The following NXN variants were observed in gnomAD, a reference collection of about 807,000 sequenced individuals.
The protein encoded by NXN is nucleoredoxin.
NXN carries 16 observed loss-of-function variants against 48.6 expected under a neutral mutation model. The ratio of observed to expected loss-of-function variants is 0.33; its 90% CI spans 0.22 to 0.50. The LOEUF (loss-of-function observed/expected upper bound fraction) is 0.50. NXN is among the 20% of genes least tolerant of loss of function. The pLI, the probability that NXN is intolerant of heterozygous loss-of-function variation, is 0.98. For missense variants in NXN, 492 were observed against 605.5 expected (o/e 0.81, Z 1.97); for synonymous variants, 281 against 269.6 (o/e 1.04, Z -0.41).
At chr17:934,305 G>C (rs1335289191) in intron 1 of NXN, among the ~76,000 whole-genome samples, 1 of 151,970 alleles carries the variant, frequency 6.6e-6, no homozygotes, top group Non-Finnish European at 1.5e-5. Flanking sequence ...AATTAGCCGG[G>C]CGTGGTGGCG....
intron 1 of NXN, among the ~76,000 whole-genome samples, chr17:901,693 T>G (rs1476571281): frequency 6.6e-6 from 1 of 152,130 alleles, no homozygotes; most frequent in East Asian, 1.9e-4. Flanking sequence ...TTGCTGTTTG[T>G]TTTTTTGTTT....
chr17:812,824 G>A (rs1248953714), intron 5 of NXN, among the ~76,000 whole-genome samples: 2 of 151,040 alleles, frequency 1.3e-5, no homozygotes, highest in East Asian at 3.9e-4. Context: ...GTGTGTGCGA[G>A]TGTGCATGTG....
chr17:864,148 G>A (rs2644710), intron 1 of NXN: 71,625 of 874,552 alleles, frequency 0.082, 1,239 homozygotes, highest in African/African-American at 0.23. Context: ...CACGTTCACC[G>A]TTGCTCGGTT....
chr17:842,883 A>T (rs1046194965), intron 1 of NXN, among the ~76,000 whole-genome samples: 2 of 151,838 alleles, frequency 1.3e-5, no homozygotes, highest in African/African-American at 4.8e-5. Context: ...AGGTTGCGGT[A>T]AGCCGAGATC....
Position 819,268 on chromosome 17 carries a change from A to T in NXN, c.820+171T>A, listed in dbSNP as rs145457546. 8.5e-4 allele frequency: 557 copies of T among 657,756 alleles called. No homozygotes were observed. The African/African-American group carries it at 8.9e-3, about 11-fold the overall frequency. 40.7% of individuals were successfully genotyped at this position (657,756 alleles called of 1,614,324 possible). ...GCCTGACAATACTTATTTTTTAAAA[A>T]TGGCTTAGAATTCACACCATGAAAA... On this transcript the variant is annotated intron_variant, in intron 5 of 7. Transcript: ENST00000336868.
chr17:977,390 G>A (rs2069473805), intron 1 of NXN, among the ~76,000 whole-genome samples: 1 of 152,228 alleles, frequency 6.6e-6, no homozygotes. Flanking sequence ...CATCATGGAG[G>A]AATCAGCAGG....
At chr17:853,723 A>ATATTTTTT (rs1491528474) in intron 1 of NXN, among the ~76,000 whole-genome samples, 21 of 106,000 alleles carry the variant, frequency 2.0e-4, no homozygotes, top group African/African-American at 8.6e-4. Context: ...ATATATATAT[A>ATATTTTTT]TTTTTTTTTT....
At chr17:834,153 C>G (rs956249885) in intron 1 of NXN, among the ~76,000 whole-genome samples, 1 of 152,176 alleles carries the variant, frequency 6.6e-6, no homozygotes, top group Non-Finnish European at 1.5e-5. Flanking sequence ...AACCCTATCA[C>G]TCCACAAAAA....
intron 1 of NXN, among the ~76,000 whole-genome samples, chr17:965,254 C>T (rs1043840131): frequency 3.9e-5 from 6 of 152,102 alleles, no homozygotes; most frequent in African/African-American, 1.4e-4. Context: ...AGCAACCCAC[C>T]GACGGAGGGA....
intron 1 of NXN, among the ~76,000 whole-genome samples, chr17:848,639 C>G (rs975101976): frequency 2.6e-5 from 4 of 152,240 alleles, no homozygotes; most frequent in Non-Finnish European, 4.4e-5. Context: ...GTGCATGTCA[C>G]TTTACTTCCA....
intron 1 of NXN, among the ~76,000 whole-genome samples, chr17:848,132 G>T (rs941121474): frequency 1.3e-5 from 2 of 150,000 alleles, no homozygotes; most frequent in Non-Finnish European, 2.9e-5. Context: ...ACTGAACGTT[G>T]ATTTCCTGTT....
At position 819,477 on chromosome 17, in the gene NXN, G is replaced by A. The variant is rs1258493558; in HGVS notation, c.782C>T (p.Ala261Val). The A allele has an allele frequency of 6.2e-7, 1 of 1,614,118 alleles. No homozygotes were observed. The highest frequency in any genetic ancestry group is 1.1e-5 in the South Asian group (1 of 91,068). The change falls in exon 5 of 8, where the codon GCC (alanine) becomes GTC (valine). Residue 261 changes from alanine to valine, a missense_variant. Transcript: ENST00000336868. Reference protein sequence around the residue: ...PWLAVPYTDEARRSRLNRLYG... With the variant: ...PWLAVPYTDEVRRSRLNRLYG... ...CAGCCGGTTGAGGCGCGACCGCCGG[G>A]CCTCATCCGTGTAGGGGACGGCGAG...
At chr17:883,643 A>T (rs2068309762) in intron 1 of NXN, among the ~76,000 whole-genome samples, 1 of 152,372 alleles carries the variant, frequency 6.6e-6, no homozygotes, top group Non-Finnish European at 1.5e-5. Context: ...AAAGAAAAGC[A>T]CTGAGGAAGG....
chr17:877,351 T>C (rs2068228104), intron 1 of NXN, among the ~76,000 whole-genome samples: 1 of 152,040 alleles, frequency 6.6e-6, no homozygotes, highest in Admixed American at 6.5e-5. Flanking sequence ...TTTCACCATG[T>C]TGGCCAGGAT....
At chr17:805,020 T>TCCCCCCCCCCCCCCCCCCCCCCCCCCC in intron 6 of NXN, 48 bp downstream of exon 6, 29 of 1,512,828 alleles carry the variant, frequency 1.9e-5, no homozygotes, top group East Asian at 4.9e-5. Context: ...GCCCCTCCTG[T>TCCCCCCCCCCCCCCCCCCCCCCCCCCC]CCCGCCCCCC....
At chr17:840,872 A>G (rs34243260) in intron 1 of NXN, among the ~76,000 whole-genome samples, 7,314 of 152,222 alleles carry the variant, frequency 0.048, 301 homozygotes, top group East Asian at 0.24. Context: ...CGGCACACCA[A>G]GCTTCTCTTA....
intron 1 of NXN, among the ~76,000 whole-genome samples, chr17:909,251 T>C (rs9328723): frequency 0.55 from 83,662 of 152,016 alleles, 23,392 homozygotes; most frequent in Admixed American, 0.67. Context: ...ACTTTTAATC[T>C]CATAAAACAT....
At chr17:948,247 T>C (rs547210814) in intron 1 of NXN, among the ~76,000 whole-genome samples, 302 of 152,198 alleles carry the variant, frequency 2.0e-3, no homozygotes, top group African/African-American at 7.0e-3. Context: ...ATTACCCCAT[T>C]TACCCTGGTG....
intron 1 of NXN, among the ~76,000 whole-genome samples, chr17:848,704 G>A (rs1405167464): frequency 6.6e-6 from 1 of 152,206 alleles, no homozygotes; most frequent in Non-Finnish European, 1.5e-5. Context: ...CTCCTACTGA[G>A]AGACACAGGC....
Sources: gnomAD v4.1 joint callset for allele counts (sites outside exome capture counted in the v4.1 genomes callset) on GRCh38, gnomAD v4.1.1 for gene constraint, MANE v1.5 for transcripts, NCBI Gene and HGNC (gene_info 2026-07-23, HGNC 2026-07-21) for gene names.